The following LPAR1 variants were observed in gnomAD, a reference collection of about 807,000 sequenced individuals.
LPAR1 encodes LPA receptor 1.
LPAR1 carries 5 observed loss-of-function variants against 23.8 expected under a neutral mutation model. The ratio of observed to expected loss-of-function variants is 0.21; its 90% CI spans 0.11 to 0.44. The LOEUF (loss-of-function observed/expected upper bound fraction) is 0.44. Among genes scored for constraint, LPAR1 ranks in the 20% least tolerant of loss-of-function variants. The probability of loss-of-function intolerance (pLI) is 0.99; values close to 1 mark genes in which losing one functional copy is unlikely to be tolerated. For synonymous variants in LPAR1, 160 were observed against 164.7 expected (o/e 0.97, Z 0.22); for missense variants, 311 against 482.8 (o/e 0.64, Z 3.33).
At chr9:111,023,626 C>G (rs1318101507) in intron 2 of LPAR1, among the ~76,000 whole-genome samples, 2 of 152,024 alleles carry the variant, frequency 1.3e-5, no homozygotes, top group East Asian at 3.9e-4. Context: ...GCAAAATAAC[C>G]GATACTGTAT....
At chr9:110,982,896 ACG>A (rs1491524459) in intron 2 of LPAR1, among the ~76,000 whole-genome samples, 3 of 151,052 alleles carry the variant, frequency 2.0e-5, no homozygotes, top group East Asian at 3.9e-4. Flanking sequence ...ACACACACAC[ACG>A]GCCAAACATG....
intron 5 of LPAR1, among the ~76,000 whole-genome samples, chr9:110,881,616 C>T (rs2080867315): frequency 6.6e-6 from 1 of 152,168 alleles, no homozygotes; most frequent in Admixed American, 6.5e-5. Flanking sequence ...GACTTGAATG[C>T]TAGTGCCATT....
chr9:110,894,230 A>C (rs980667821), intron 5 of LPAR1, among the ~76,000 whole-genome samples: 5 of 152,202 alleles, frequency 3.3e-5, no homozygotes, highest in African/African-American at 1.2e-4. Flanking sequence ...GGTAACTTGG[A>C]GGACTTTAAA....
intron 2 of LPAR1, among the ~76,000 whole-genome samples, chr9:111,013,544 T>A (rs1432724070): frequency 6.6e-6 from 1 of 152,204 alleles, no homozygotes; most frequent in African/African-American, 2.4e-5. Context: ...GTGTGAACTC[T>A]ATGAAACATG....
At chr9:111,008,171 C>T (rs1364468021) in intron 2 of LPAR1, among the ~76,000 whole-genome samples, 1 of 139,322 alleles carries the variant, frequency 7.2e-6, no homozygotes, top group Non-Finnish European at 1.5e-5. Flanking sequence ...AAGACTCCAT[C>T]TCAAAAAAAA....
chr9:110,974,383 C>T (rs1188301679), intron 2 of LPAR1, among the ~76,000 whole-genome samples: 2 of 152,168 alleles, frequency 1.3e-5, no homozygotes, highest in Non-Finnish European at 2.9e-5. Flanking sequence ...CCTTTGTCCC[C>T]CACATCCCTT....
intron 4 of LPAR1, among the ~76,000 whole-genome samples, chr9:110,967,409 T>G (rs1249109288): frequency 6.6e-6 from 1 of 152,214 alleles, no homozygotes; most frequent in East Asian, 1.9e-4. Flanking sequence ...ACAAGCTATT[T>G]GTTCATATTA....
At chr9:110,939,535 A>C (rs1157937550) in intron 5 of LPAR1, among the ~76,000 whole-genome samples, 1 of 152,116 alleles carries the variant, frequency 6.6e-6, no homozygotes, top group African/African-American at 2.4e-5. Context: ...TGTTATTTTA[A>C]AGTTAGTGGT....
At chr9:111,031,727 G>A (rs937865280) in intron 2 of LPAR1, among the ~76,000 whole-genome samples, 1 of 152,202 alleles carries the variant, frequency 6.6e-6, no homozygotes, top group Non-Finnish European at 1.5e-5. Flanking sequence ...TGAGATGGAA[G>A]CAAGGCAGGG....
At chr9:111,003,146 G>A (rs1199193473) in intron 2 of LPAR1, among the ~76,000 whole-genome samples, 1 of 152,154 alleles carries the variant, frequency 6.6e-6, no homozygotes, top group African/African-American at 2.4e-5. Context: ...ATGATAGTTT[G>A]TATTTTATCA....
intron 4 of LPAR1, among the ~76,000 whole-genome samples, chr9:110,965,955 A>G (rs906914263): frequency 1.8e-4 from 27 of 152,230 alleles, no homozygotes; most frequent in African/African-American, 6.5e-4. Flanking sequence ...ATAAAAAAGA[A>G]TAAGTTCACA....
intron 4 of LPAR1, among the ~76,000 whole-genome samples, chr9:110,971,345 G>A (rs1193904865): frequency 2.0e-5 from 3 of 152,174 alleles, no homozygotes; most frequent in African/African-American, 7.2e-5. Context: ...GAAGCTGAGA[G>A]AAGCTAGCAT....
At position 111,038,427 on chromosome 9, in the gene LPAR1, G is replaced by C; in HGVS notation, c.-522C>G. ...CGCGCTCCGCAGCGGGGCTGGAGAC[G>C]GAGTCGCCACTCAGGGAGCGTCAGC... On this transcript the variant is annotated 5_prime_UTR_variant, in exon 1 of 6. Transcript: ENST00000683809. This position sits in a 1 kb window ranked among gnomAD's most constrained non-coding sequence, Gnocchi z 4.4. 3.2e-6 allele frequency: 1 copy of C among 311,686 alleles called. No homozygotes were observed. The highest frequency in any genetic ancestry group is 2.3e-5 in the South Asian group (1 of 44,106). 19.3% of individuals were successfully genotyped at this position (311,686 alleles called of 1,614,324 possible). A position where few individuals can be genotyped will look rare whatever the true frequency, so the allele number is the denominator to read the frequency against.
chr9:110,932,858 T>C (rs1271039800), intron 5 of LPAR1, among the ~76,000 whole-genome samples: 1 of 152,234 alleles, frequency 6.6e-6, no homozygotes, highest in Non-Finnish European at 1.5e-5. Context: ...TTGTCTTCCA[T>C]GAAAGTGATT....
At chr9:110,912,472 C>T (rs564409052) in intron 5 of LPAR1, among the ~76,000 whole-genome samples, 10 of 152,176 alleles carry the variant, frequency 6.6e-5, no homozygotes, top group South Asian at 4.1e-4. Context: ...TGGCTGACTA[C>T]AGAGTTTTCT....
At position 110,915,798 on chromosome 9, in the gene LPAR1, A is replaced by G. The variant is rs189258548; in HGVS notation, c.793+25623T>C. Among the ~76,000 whole-genome samples the G allele has an allele frequency of 2.0e-5, 3 of 152,318 alleles. No homozygotes were observed. The East Asian group carries it at 5.8e-4, about 29-fold the overall frequency. Reference sequence around the variant, plus strand: ...AGATGTAGATTTTAGCTATTTTTCCATACGTTATCATCAAAAACGAAACAC... The same window carrying G: ...AGATGTAGATTTTAGCTATTTTTCCGTACGTTATCATCAAAAACGAAACAC... On this transcript the variant is annotated intron_variant, in intron 5 of 5. Transcript: ENST00000683809.
At chr9:110,991,578 T>TG (rs1491166795) in intron 2 of LPAR1, among the ~76,000 whole-genome samples, 13 of 68,894 alleles carry the variant, frequency 1.9e-4, no homozygotes, top group African/African-American at 5.9e-4. Flanking sequence ...TTCTGGTTTG[T>TG]TTTGTTGTTG....
chr9:110,986,913 G>A (rs1177369937), intron 2 of LPAR1, among the ~76,000 whole-genome samples: 1 of 151,184 alleles, frequency 6.6e-6, no homozygotes, highest in African/African-American at 2.5e-5. Context: ...CTCAACATAA[G>A]AAAGTTATCC....
intron 5 of LPAR1, among the ~76,000 whole-genome samples, chr9:110,926,904 C>T (rs572814301): frequency 1.6e-4 from 24 of 152,320 alleles, no homozygotes; most frequent in Middle Eastern, 3.4e-3. Context: ...GCCGGCAACT[C>T]CTCACACGGT....
Sources: gnomAD v4.1 joint callset for allele counts (sites outside exome capture counted in the v4.1 genomes callset) on GRCh38, gnomAD v4.1.1 for gene constraint, Gnocchi (gnomAD v3.1) non-coding constraint, MANE v1.5 for transcripts, NCBI Gene and HGNC (gene_info 2026-07-23, HGNC 2026-07-21) for gene names.